SLC24A2: variants seen among roughly 807,000 people sequenced by gnomAD.
The protein encoded by SLC24A2 is solute carrier family 24 member 2.
SLC24A2 carries 36 observed loss-of-function variants against 62.0 expected under a neutral mutation model. The observed-to-expected ratio is 0.58, with a 90% confidence interval of 0.44 to 0.77. SLC24A2 has a LOEUF of 0.77. Among genes scored for constraint, SLC24A2 ranks in the 30% least tolerant of loss-of-function variants. SLC24A2 has a pLI of 0.00. For synonymous variants in SLC24A2, 358 were observed against 294.0 expected, an observed-to-expected ratio of 1.22 and a Z score of -2.23; for missense variants, 846 against 817.9, an observed-to-expected ratio of 1.03 and a Z score of -0.42.
At chr9:20,274,269 G>C in the SLC24A2 span, among the ~76,000 whole-genome samples, 2 of 152,178 alleles carry the variant, frequency 1.3e-5, no homozygotes, top group Non-Finnish European at 2.9e-5. Context: ...AGTGCTGGGG[G>C]CCTGCTCTTC....
the SLC24A2 span, among the ~76,000 whole-genome samples, chr9:20,107,064 C>G: frequency 6.6e-6 from 1 of 152,048 alleles, no homozygotes. Context: ...AACAGACAAA[C>G]AGAGAGCCAT....
chr9:20,099,699 T>C, the SLC24A2 span, among the ~76,000 whole-genome samples: 3 of 152,118 alleles, frequency 2.0e-5, no homozygotes, highest in Non-Finnish European at 4.4e-5. Flanking sequence ...CAAGCTATAG[T>C]TTTTCCTGCC....
the SLC24A2 span, among the ~76,000 whole-genome samples, chr9:19,808,879 G>A: frequency 6.6e-6 from 1 of 152,168 alleles, no homozygotes. The surrounding 1 kb of genome is among the most constrained non-coding windows in gnomAD (Gnocchi z 4.1). Context: ...CTGGCTGCCA[G>A]TGTTTAGATT....
intron 2 of SLC24A2, among the ~76,000 whole-genome samples, chr9:19,690,916 T>A (rs113217024): frequency 0.022 from 2,765 of 124,954 alleles, 59 homozygotes; most frequent in East Asian, 0.21. Context: ...TGTGTGTGCG[T>A]GTGAGAGAGA....
At chr9:20,269,081 C>G in the SLC24A2 span, among the ~76,000 whole-genome samples, 1 of 152,124 alleles carries the variant, frequency 6.6e-6, no homozygotes, top group Non-Finnish European at 1.5e-5. Flanking sequence ...TAAAAGTGAC[C>G]TCAATGGATT....
chr9:19,903,831 T>G, the SLC24A2 span, among the ~76,000 whole-genome samples: 1 of 152,192 alleles, frequency 6.6e-6, no homozygotes, highest in Non-Finnish European at 1.5e-5. Context: ...GAGGCTTCAC[T>G]CTATGCTCCT....
chr9:19,915,316 T>C, the SLC24A2 span, among the ~76,000 whole-genome samples: 1 of 152,208 alleles, frequency 6.6e-6, no homozygotes, highest in Middle Eastern at 3.2e-3. Context: ...TACCACATTT[T>C]GTTTATCCAT....
chr9:19,582,066 A>G (rs1836225915), intron 5 of SLC24A2, among the ~76,000 whole-genome samples: 1 of 152,170 alleles, frequency 6.6e-6, no homozygotes, highest in Non-Finnish European at 1.5e-5. Context: ...TTGGTCTGAA[A>G]TTTGCAAAAG....
chr9:19,718,284 C>CTTTTTTTTTT (rs71335446), intron 2 of SLC24A2, among the ~76,000 whole-genome samples: 1 of 55,714 alleles, frequency 1.8e-5, no homozygotes, highest in Non-Finnish European at 2.9e-5. Flanking sequence ...TGATTTAACA[C>CTTTTTTTTTT]TTTTTTTTTT....
At chr9:20,296,579 A>G in the SLC24A2 span, among the ~76,000 whole-genome samples, 2 of 152,248 alleles carry the variant, frequency 1.3e-5, no homozygotes, top group African/African-American at 2.4e-5. Flanking sequence ...CAGATGTACA[A>G]AAAGGACCTC....
chr9:19,794,927 A>G, the SLC24A2 span, among the ~76,000 whole-genome samples: 2 of 152,096 alleles, frequency 1.3e-5, no homozygotes, highest in African/African-American at 4.8e-5. Flanking sequence ...CCTAAGCTAG[A>G]CTCTACCTAT....
intron 10 of SLC24A2, among the ~76,000 whole-genome samples, chr9:19,518,112 C>T (rs960705681): frequency 1.3e-5 from 2 of 152,066 alleles, no homozygotes; most frequent in Non-Finnish European, 2.9e-5. Context: ...TTAAACTTTA[C>T]TCAGAAAATG....
the SLC24A2 span, among the ~76,000 whole-genome samples, chr9:20,208,061 G>T: frequency 6.6e-6 from 1 of 151,952 alleles, no homozygotes; most frequent in Admixed American, 6.6e-5. Flanking sequence ...TATCACACAA[G>T]TAAGTATGTA....
chr9:20,298,065 G>C, the SLC24A2 span, among the ~76,000 whole-genome samples: 25 of 152,134 alleles, frequency 1.6e-4, no homozygotes, highest in African/African-American at 5.8e-4. Flanking sequence ...AGGCAGCAGG[G>C]AGCAACAGCA....
At chr9:19,557,756 T>C (rs1454189619) in intron 7 of SLC24A2, among the ~76,000 whole-genome samples, 1 of 152,148 alleles carries the variant, frequency 6.6e-6, no homozygotes, top group Admixed American at 6.6e-5. Context: ...GACTTTTTTT[T>C]TTTTTATATT....
chr9:20,246,002 A>G, the SLC24A2 span, among the ~76,000 whole-genome samples: 1 of 152,210 alleles, frequency 6.6e-6, no homozygotes, highest in Non-Finnish European at 1.5e-5. Flanking sequence ...CAGGCTGTCC[A>G]ACGTCCCCAA....
At chr9:19,827,460 T>C in the SLC24A2 span, among the ~76,000 whole-genome samples, 1 of 151,984 alleles carries the variant, frequency 6.6e-6, no homozygotes, top group Non-Finnish European at 1.5e-5. Flanking sequence ...CAAATGAGCA[T>C]GAAGAAAGAG....
At chr9:20,040,684 A>G in the SLC24A2 span, among the ~76,000 whole-genome samples, 1 of 152,244 alleles carries the variant, frequency 6.6e-6, no homozygotes. Flanking sequence ...TGGTTGCAGA[A>G]CTAGCTGGGA....
At chr9:20,005,146 T>G in the SLC24A2 span, among the ~76,000 whole-genome samples, 2 of 152,188 alleles carry the variant, frequency 1.3e-5, no homozygotes, top group Non-Finnish European at 1.5e-5. Flanking sequence ...AATTGTAATC[T>G]ACATGCACCT....
Sources: gnomAD v4.1 joint callset for allele counts (sites outside exome capture counted in the v4.1 genomes callset) on GRCh38, gnomAD v4.1.1 for gene constraint, Gnocchi (gnomAD v3.1) non-coding constraint, MANE v1.5 for transcripts, NCBI Gene and HGNC (gene_info 2026-07-23, HGNC 2026-07-21) for gene names.